Variants in UBAP2 observed in about 807,000 individuals in gnomAD.
UBAP2 encodes the protein ubiquitin-associated protein 2.
UBAP2 carries 75 observed loss-of-function variants against 139.6 expected under a neutral mutation model. The observed-to-expected ratio is 0.54, with a 90% CI of 0.45 to 0.65. UBAP2 has a LOEUF of 0.65. UBAP2 is among the 30% of genes least tolerant of loss of function. The pLI is 0.00. For synonymous variants in UBAP2, 526 were observed against 526.2 expected (o/e 1.00, Z 0.01); for missense variants, 1,368 against 1,369.6 (o/e 1.00, Z 0.02).
chr9:34,039,378 C>A (rs1268784534), intron 1 of UBAP2, among the ~76,000 whole-genome samples: 1 of 152,148 alleles, frequency 6.6e-6, no homozygotes, highest in Non-Finnish European at 1.5e-5. Context: ...TGAGAACGGG[C>A]CATGATGACG....
chr9:34,027,575 A>T (rs919173059), intron 1 of UBAP2, among the ~76,000 whole-genome samples: 5 of 151,814 alleles, frequency 3.3e-5, no homozygotes, highest in African/African-American at 1.2e-4. Flanking sequence ...AGAAAAAAAT[A>T]GGCCAGGCAC....
chr9:33,955,468 C>G (rs1826476898), intron 11 of UBAP2, among the ~76,000 whole-genome samples: 1 of 150,878 alleles, frequency 6.6e-6, no homozygotes, highest in East Asian at 1.9e-4. Context: ...TGCAGTGAGC[C>G]GAGATCGTGC....
At chr9:33,961,563 T>A (rs1740278471) in intron 9 of UBAP2, among the ~76,000 whole-genome samples, 1 of 152,118 alleles carries the variant, frequency 6.6e-6, no homozygotes, top group African/African-American at 2.4e-5. Flanking sequence ...AGATCTTATA[T>A]AAGTAGAGGG....
intron 1 of UBAP2, among the ~76,000 whole-genome samples, chr9:34,047,883 G>A (rs1827746948): frequency 6.6e-6 from 1 of 152,190 alleles, no homozygotes; most frequent in South Asian, 2.1e-4. Context: ...AAGACAATAA[G>A]CCTAAATACT....
chr9:34,010,267 T>C (rs1333638014), intron 2 of UBAP2, among the ~76,000 whole-genome samples: 1 of 149,004 alleles, frequency 6.7e-6, no homozygotes, highest in Non-Finnish European at 1.5e-5. Flanking sequence ...CAACTAAAAA[T>C]AGAAAAATTA....
At chr9:33,938,391 A>G (rs1441867229) in intron 16 of UBAP2, among the ~76,000 whole-genome samples, 3 of 152,044 alleles carry the variant, frequency 2.0e-5, no homozygotes, top group African/African-American at 4.8e-5. Flanking sequence ...TCCACCTCTC[A>G]AAGTGCTGGG....
intron 2 of UBAP2, 125 bp downstream of exon 2, chr9:34,016,925 A>T: frequency 2.9e-6 from 2 of 692,026 alleles, no homozygotes; most frequent in South Asian, 4.5e-5. Context: ...ATTAAATCAT[A>T]TGCTCTCCCT....
chr9:33,973,051 T>A, intron 7 of UBAP2, 132 bp downstream of exon 7: 1 of 792,402 alleles, frequency 1.3e-6, no homozygotes, highest in East Asian at 2.6e-5. Context: ...TTTTCTTATT[T>A]GTAAATCTCT....
intron 6 of UBAP2, among the ~76,000 whole-genome samples, chr9:33,981,770 G>T (rs1820778384): frequency 7.0e-6 from 1 of 143,054 alleles, no homozygotes; most frequent in Admixed American, 7.1e-5. Context: ...TAGGTAGGTA[G>T]GTAGGAAGGT....
At chr9:34,040,455 CTAGT>C in intron 1 of UBAP2, among the ~76,000 whole-genome samples, 1 of 151,922 alleles carries the variant, frequency 6.6e-6, no homozygotes. Flanking sequence ...TCTCCATGCT[CTAGT>C]TAAAGAGGTT....
chr9:33,986,429 A>T (rs1012148100), intron 6 of UBAP2, among the ~76,000 whole-genome samples: 5 of 152,222 alleles, frequency 3.3e-5, no homozygotes, highest in African/African-American at 1.2e-4. Flanking sequence ...TTTTAGCAAT[A>T]AAGTATTTTT....
At chr9:34,006,017 G>A (rs1246870053) in intron 2 of UBAP2, among the ~76,000 whole-genome samples, 21 of 152,008 alleles carry the variant, frequency 1.4e-4, no homozygotes, top group Admixed American at 1.4e-3. Context: ...GATCACTTGA[G>A]GTCAGGAGTT....
At chr9:33,969,739 A>C (rs563741238) in intron 8 of UBAP2, among the ~76,000 whole-genome samples, 5 of 149,912 alleles carry the variant, frequency 3.3e-5, no homozygotes, top group African/African-American at 1.2e-4. Flanking sequence ...AGTGCCGGAC[A>C]CCTGTAATTC....
At chr9:33,967,866 G>A (rs1264313650) in intron 8 of UBAP2, among the ~76,000 whole-genome samples, 2 of 152,092 alleles carry the variant, frequency 1.3e-5, no homozygotes, top group East Asian at 3.8e-4. Flanking sequence ...AGGTCAGCAG[G>A]AGAAAAAATA....
chr9:33,947,680 C>G (rs963773298), intron 13 of UBAP2, among the ~76,000 whole-genome samples: 1 of 151,758 alleles, frequency 6.6e-6, no homozygotes, highest in Non-Finnish European at 1.5e-5. Context: ...AAAAAATCAG[C>G]CAGGAGTGAC....
chr9:34,027,358 G>C (rs1188566674), intron 1 of UBAP2, among the ~76,000 whole-genome samples: 1 of 152,142 alleles, frequency 6.6e-6, no homozygotes. Context: ...GCGCATGCCT[G>C]TAATCCCAGC....
Position 33,935,856 on chromosome 9 carries a change from C to T in UBAP2, c.1952G>A (p.Ser651Asn), listed in dbSNP as rs1300668539. Residue 651 changes from serine (S) to asparagine (N), a missense_variant, in exon 17 of 29, where the codon AGT (serine) becomes AAT (asparagine). Coordinates refer to ENST00000379238, the MANE Select transcript of UBAP2 (RefSeq NM_001370062.2). ...TIMNGHGGGR[S>N]QQTLDTPKTT... ...ATACTTACTGTCTAGTGTCTGCTGA[C>T]TTCGACCACCACCATGTCCATTCTA... is the stretch of plus-strand genomic sequence containing the variant. The T allele has an allele frequency of 1.9e-6, 3 of 1,613,626 alleles. No homozygotes were observed. In the African/African-American group the frequency reaches 4.0e-5, roughly 22 times the overall value.
At chr9:33,944,263 G>T in intron 14 of UBAP2, 102 bp downstream of exon 14, 1 of 1,470,936 alleles carries the variant, frequency 6.8e-7, no homozygotes, top group Non-Finnish European at 9.2e-7. Flanking sequence ...CTATGTGCTT[G>T]AAAAACACTG....
chr9:34,033,228 C>T (rs4521843), intron 1 of UBAP2, among the ~76,000 whole-genome samples: 19,993 of 152,096 alleles, frequency 0.13, 1,569 homozygotes, highest in South Asian at 0.33. Flanking sequence ...TGTCTATCAA[C>T]AGGTGAATAG....
Sources: allele counts gnomAD v4.1 joint callset (sites outside exome capture counted in the v4.1 genomes callset), GRCh38; gene constraint gnomAD v4.1.1; transcripts MANE v1.5; gene names NCBI Gene and HGNC (gene_info 2026-07-23, HGNC 2026-07-21).